HS2ST1: variants seen among roughly 807,000 people sequenced by gnomAD.
HS2ST1 encodes heparan sulfate 2-O-sulfotransferase 1, also known as 2-O-sulfotransferase.
A neutral mutation model predicts 42.9 loss-of-function variants in HS2ST1; 18 were observed. That is an observed-to-expected ratio of 0.42 (90% confidence interval 0.29 to 0.62). The LOEUF (loss-of-function observed/expected upper bound fraction) is 0.62, where lower values mean the gene tolerates loss of function less well. Among genes scored for constraint, HS2ST1 ranks in the 20% least tolerant of loss-of-function variants. HS2ST1 has a pLI of 0.21. For missense variants in HS2ST1, 334 were observed against 433.8 expected (o/e 0.77, Z 2.04); for synonymous variants, 146 against 152.9 (o/e 0.95, Z 0.33).
chr1:86,981,248 G>T (rs1648583533), intron 1 of HS2ST1, among the ~76,000 whole-genome samples: 1 of 152,094 alleles, frequency 6.6e-6, no homozygotes, highest in Non-Finnish European at 1.5e-5. Flanking sequence ...CAATACATGG[G>T]AATTACAATT....
Position 86,914,812 on chromosome 1 carries a change from G to A in HS2ST1, c.-225G>A. ...GCTGCGCGGGCTTTTGGAGGGGGCG[G>A]CCGTTTAGTCGGCTGAGGAGAAGCG... On this transcript the variant is annotated 5_prime_UTR_variant, in exon 1 of 7. Transcript: ENST00000370550. 1.7e-6 allele frequency: 1 copy of A among 572,758 alleles called. No individual in the cohort carries two copies. Among genetic ancestry groups the A allele is most frequent in the Non-Finnish European group, 3.1e-6 (1 of 326,026 alleles). 35.5% of individuals were successfully genotyped at this position (572,758 alleles called of 1,614,324 possible). A position where few individuals can be genotyped will look rare whatever the true frequency, so the allele number is the denominator to read the frequency against.
At chr1:87,004,258 G>T (rs1017774587) in intron 1 of HS2ST1, among the ~76,000 whole-genome samples, 4 of 152,022 alleles carry the variant, frequency 2.6e-5, no homozygotes, top group African/African-American at 9.7e-5. Context: ...GGGCATGGTG[G>T]CAGGCACCTG....
chr1:87,073,905 T>G lies in HS2ST1; in HGVS notation c.363+733T>G, dbSNP rs191411034. 8.6e-4 allele frequency among the ~76,000 whole-genome samples: 131 copies of G among 152,332 alleles called. 1 individual carries two copies. Among genetic ancestry groups the G allele is most frequent in the African/African-American group, 3.1e-3 (129 of 41,578 alleles). On this transcript the variant is annotated intron_variant, in intron 2 of 6. Coordinates refer to ENST00000370550, the MANE Select transcript of HS2ST1 (RefSeq NM_012262.4). The stretch of plus-strand genomic sequence containing the variant: ...GAAAGATAATGTTTGCAAATACTAC[T>G]TAGGATCAAATACCAAATTGGAGTA...
chr1:86,924,787 C>G (rs1331519931), intron 1 of HS2ST1, among the ~76,000 whole-genome samples: 1 of 152,140 alleles, frequency 6.6e-6, no homozygotes, highest in Non-Finnish European at 1.5e-5. Context: ...CCTTCTAAAC[C>G]TCTGGGCCTG....
At chr1:87,026,772 T>C (rs1031933512) in intron 1 of HS2ST1, among the ~76,000 whole-genome samples, 1 of 152,040 alleles carries the variant, frequency 6.6e-6, no homozygotes, top group African/African-American at 2.4e-5. Flanking sequence ...ACTAGGGTCT[T>C]CAATTACCAG....
chr1:87,030,657 T>G (rs550084350), intron 1 of HS2ST1, among the ~76,000 whole-genome samples: 53 of 152,332 alleles, frequency 3.5e-4, no homozygotes, highest in Non-Finnish European at 1.0e-4. Context: ...CAAAGAAATT[T>G]ATTTGTATAT....
rs376551351 is a variant in HS2ST1, at chr1:87,104,689, C to T, written c.1064C>T (p.Ser355Leu). Reference protein sequence around the residue: ...NFFYEKIYPKSN With the variant: ...NFFYEKIYPKLN ...TTCTATGAAAAGATTTACCCTAAGT[C>T]GAACTGAGTATAAGGTGTGACTATT... The change falls in exon 7 of 7, where the codon TCG becomes TTG. Residue 355 changes from serine (S) to leucine (L), a missense_variant. Transcript: ENST00000370550. The T allele has an allele frequency of 3.1e-6, 5 of 1,589,166 alleles. No individual in the cohort carries two copies. Among genetic ancestry groups the T allele is most frequent in the South Asian group, 1.1e-5 (1 of 90,516 alleles).
At chr1:86,984,906 CAA>C (rs34820915) in intron 1 of HS2ST1, among the ~76,000 whole-genome samples, 81,011 of 117,840 alleles carry the variant, frequency 0.69, 27,359 homozygotes, top group East Asian at 0.94. Flanking sequence ...ATCTCCGTCT[CAA>C]AAAAAAAAAA....
chr1:87,085,944 A>G (rs1203424328), intron 3 of HS2ST1, among the ~76,000 whole-genome samples: 1 of 152,218 alleles, frequency 6.6e-6, no homozygotes, highest in Non-Finnish European at 1.5e-5. Flanking sequence ...GAATATTTTC[A>G]TAGTGAGTCT....
At chr1:87,012,968 A>G (rs992219691) in intron 1 of HS2ST1, among the ~76,000 whole-genome samples, 7 of 152,206 alleles carry the variant, frequency 4.6e-5, no homozygotes, top group African/African-American at 1.7e-4. Context: ...GGGCTTCCCC[A>G]TGGTCTTGGA....
intron 1 of HS2ST1, among the ~76,000 whole-genome samples, chr1:87,054,878 G>A (rs1450483152): frequency 6.6e-6 from 1 of 152,178 alleles, no homozygotes; most frequent in Non-Finnish European, 1.5e-5. Context: ...ACTTGAGCAA[G>A]AACTAAACTT....
At chr1:87,001,362 C>G (rs941878054) in intron 1 of HS2ST1, among the ~76,000 whole-genome samples, 1 of 152,054 alleles carries the variant, frequency 6.6e-6, no homozygotes, top group South Asian at 2.1e-4. Flanking sequence ...ATAAAAAAGT[C>G]TGTTGTAGTG....
At chr1:87,094,750 A>G (rs1652023683) in intron 4 of HS2ST1, among the ~76,000 whole-genome samples, 1 of 152,176 alleles carries the variant, frequency 6.6e-6, no homozygotes, top group Non-Finnish European at 1.5e-5. Flanking sequence ...TTAGGTAGAT[A>G]GGCCATCCTG....
intron 1 of HS2ST1, among the ~76,000 whole-genome samples, chr1:86,966,517 T>C (rs1021654698): frequency 3.3e-5 from 5 of 152,260 alleles, no homozygotes; most frequent in African/African-American, 1.2e-4. Flanking sequence ...TCATACGATA[T>C]TATTTCTTAG....
chr1:87,101,769 T>G (rs1436408312), intron 5 of HS2ST1, among the ~76,000 whole-genome samples: 1 of 152,208 alleles, frequency 6.6e-6, no homozygotes, highest in African/African-American at 2.4e-5. Flanking sequence ...CTTTCCCATT[T>G]TCAGGTATCT....
At chr1:87,096,675 A>T (rs887690047) in intron 4 of HS2ST1, among the ~76,000 whole-genome samples, 2 of 152,200 alleles carry the variant, frequency 1.3e-5, no homozygotes, top group African/African-American at 4.8e-5. Flanking sequence ...ACCTGGTAGC[A>T]TCCCCCATAC....
At chr1:87,048,441 T>C (rs905192396) in intron 1 of HS2ST1, among the ~76,000 whole-genome samples, 3 of 152,184 alleles carry the variant, frequency 2.0e-5, no homozygotes, top group Non-Finnish European at 2.9e-5. Flanking sequence ...GTAAAACTGA[T>C]GAGGGTGGAC....
At chr1:87,099,552 G>A (rs565195712) in intron 5 of HS2ST1, among the ~76,000 whole-genome samples, 1 of 152,268 alleles carries the variant, frequency 6.6e-6, no homozygotes, top group South Asian at 2.1e-4. Context: ...TCCAGCATTG[G>A]GAATCACATT....
intron 1 of HS2ST1, among the ~76,000 whole-genome samples, chr1:87,001,941 C>T (rs1649299898): frequency 6.9e-6 from 1 of 144,136 alleles, no homozygotes; most frequent in Non-Finnish European, 1.5e-5. Flanking sequence ...GAGATGGAAT[C>T]TTGCTGTGTT....
Sources: allele counts gnomAD v4.1 joint callset (sites outside exome capture counted in the v4.1 genomes callset), GRCh38; gene constraint gnomAD v4.1.1; transcripts MANE v1.5; gene names NCBI Gene and HGNC (gene_info 2026-07-23, HGNC 2026-07-21).